Variants in GPBP1L1 observed in about 807,000 individuals in gnomAD.
GPBP1L1 encodes vasculin-like protein 1.
A neutral mutation model predicts 52.5 loss-of-function variants in GPBP1L1; 23 were observed. The observed-to-expected ratio is 0.44, with a 90% confidence interval of 0.32 to 0.62. GPBP1L1 has a LOEUF of 0.62. Among genes scored for constraint, GPBP1L1 ranks in the 20% least tolerant of loss-of-function variants. The probability of loss-of-function intolerance (pLI) is 0.06; values close to 1 mark genes in which losing one functional copy is unlikely to be tolerated. For synonymous variants in GPBP1L1, 243 were observed against 203.1 expected (o/e 1.20, Z -1.67); for missense variants, 596 against 579.3 (o/e 1.03, Z -0.30).
intron 4 of GPBP1L1, chr1:45,655,856 T>C (rs1392807695): frequency 1.3e-5 from 2 of 153,316 alleles, no homozygotes; most frequent in African/African-American, 4.8e-5. Context: ...TACAGCTGCT[T>C]ACCCTTGAGC....
At chr1:45,675,903 A>G (rs1645133952) in intron 2 of GPBP1L1, among the ~76,000 whole-genome samples, 1 of 152,156 alleles carries the variant, frequency 6.6e-6, no homozygotes, top group South Asian at 2.1e-4. Context: ...AGATCCTAAG[A>G]CTATAGTATG....
At chr1:45,631,949 G>A (rs1055447787) in intron 10 of GPBP1L1, among the ~76,000 whole-genome samples, 5 of 152,036 alleles carry the variant, frequency 3.3e-5, no homozygotes, top group African/African-American at 1.2e-4. Flanking sequence ...GGCTGGGCAT[G>A]GCAGCTCATG....
intron 12 of GPBP1L1, 122 bp downstream of exon 12, chr1:45,629,454 T>TCACCC (rs1644499628): frequency 4.3e-5 from 5 of 117,616 alleles, no homozygotes; most frequent in Admixed American, 1.1e-4. Context: ...ACTAAGGTAA[T>TCACCC]CCCCCCCCCC....
rs761679242 is a variant in GPBP1L1, at chr1:45,630,505, T to A, written c.1146A>T (p.Ser382=). The change falls in exon 11 of 13, where the codon TCA becomes TCT. Residue 382 remains serine, a synonymous_variant. Coordinates refer to ENST00000355105, the MANE Select transcript of GPBP1L1 (RefSeq NM_021639.5). The part of the protein sequence containing the change: ...LPVVEEGEVL[S]HSLEAEHRLL... ...ACCTGTGCTCTGCTTCTAGAGAGTG[T>A]GAGAGAACCTCCCCTTCTTCCACTA... 12 of 1,613,902 alleles carry A rather than the reference T, an allele frequency of 7.4e-6. No homozygotes were observed. The highest frequency in any genetic ancestry group is 2.2e-5 in the East Asian group (1 of 44,886).
At chr1:45,645,274 G>A (rs969495524) in intron 6 of GPBP1L1, among the ~76,000 whole-genome samples, 4 of 152,102 alleles carry the variant, frequency 2.6e-5, no homozygotes, top group South Asian at 2.1e-4. Context: ...GGACAGAACC[G>A]CCTAGAAGTA....
rs1259373247 is a variant in GPBP1L1, at chr1:45,628,950, C to T, written c.1273-542G>A. Among the ~76,000 whole-genome samples, 3 of 152,250 alleles carry T rather than the reference C, an allele frequency of 2.0e-5. No homozygotes were observed. The East Asian group carries it at 5.8e-4, about 29-fold the overall frequency. ...GTGTTGGGATTACAGGCGTGAGCCACTGTGCCCAGCCATAAGTCCTTATTT... is the reference window on the plus strand; with the variant it reads ...GTGTTGGGATTACAGGCGTGAGCCATTGTGCCCAGCCATAAGTCCTTATTT... On this transcript the variant is annotated intron_variant, in intron 12 of 12. Coordinates refer to ENST00000355105, the MANE Select transcript of GPBP1L1 (RefSeq NM_021639.5).
intron 2 of GPBP1L1, among the ~76,000 whole-genome samples, chr1:45,675,987 G>C (rs1330753158): frequency 6.6e-6 from 1 of 152,112 alleles, no homozygotes; most frequent in Non-Finnish European, 1.5e-5. Context: ...ACAGGTTTAA[G>C]GGACTTCCTT....
At chr1:45,629,873 TGA>T (rs1644507672) in intron 11 of GPBP1L1, among the ~76,000 whole-genome samples, 195 bp from the exon 12 acceptor site, 1 of 124,358 alleles carries the variant, frequency 8.0e-6, no homozygotes, top group African/African-American at 2.7e-5. Context: ...TCTTCACAGT[TGA>T]GAGAGGAAGA....
At chr1:45,656,311 T>C (rs1272737320) in intron 4 of GPBP1L1, among the ~76,000 whole-genome samples, 4 of 152,174 alleles carry the variant, frequency 2.6e-5, no homozygotes, top group South Asian at 2.1e-4. Context: ...TCTTAAATGA[T>C]AGAGACCAAA....
intron 2 of GPBP1L1, among the ~76,000 whole-genome samples, chr1:45,669,429 G>A (rs753713826): frequency 7.2e-5 from 11 of 152,214 alleles, no homozygotes; most frequent in Non-Finnish European, 1.2e-4. Context: ...AGAATTGTAG[G>A]TGTGAGCCAC....
chr1:45,674,992 T>C (rs938095100), intron 2 of GPBP1L1, among the ~76,000 whole-genome samples: 3 of 151,280 alleles, frequency 2.0e-5, no homozygotes, highest in African/African-American at 7.2e-5. Context: ...TCTGTGCTCT[T>C]CATTATCTCA....
rs1389838560 is a variant in GPBP1L1, at chr1:45,652,033, G to GT, written c.477+2509dup. ...AGTAGTAAAAAAGATCTAGAGCAAG[G>GT]TTTGTCAGCCATGACACTACTAACA... On this transcript the variant is annotated intron_variant, in intron 6 of 12. Transcript: ENST00000355105. 5.3e-5 allele frequency among the ~76,000 whole-genome samples: 8 copies of GT among 152,192 alleles called. No individual in the cohort carries two copies. The East Asian group carries it at 1.3e-3, about 26-fold the overall frequency.
rs780682492 is a variant in GPBP1L1 at position 45,634,251 on chromosome 1, A to C, written c.745-15T>G. The stretch of plus-strand genomic sequence containing the variant: ...CATGCATTAGGCTACACAGGGTGAA[A>C]GAACAAATCAGTCAGAACAAGCACA... On this transcript the variant is annotated splice_polypyrimidine_tract_variant and intron_variant, in intron 8 of 12. Coordinates refer to ENST00000355105, the MANE Select transcript of GPBP1L1 (RefSeq NM_021639.5). The C allele has an allele frequency of 1.5e-5, 24 of 1,594,876 alleles. No individual in the cohort carries two copies. The highest frequency in any genetic ancestry group is 2.0e-5 in the Non-Finnish European group (23 of 1,168,488).
At chr1:45,661,548 C>T (rs1040616437) in intron 2 of GPBP1L1, among the ~76,000 whole-genome samples, 17 of 151,890 alleles carry the variant, frequency 1.1e-4, no homozygotes, top group African/African-American at 2.9e-4. Flanking sequence ...CTCCACCTCC[C>T]GGGTTCAAGC....
At chr1:45,671,847 A>G (rs991646492) in intron 2 of GPBP1L1, among the ~76,000 whole-genome samples, 2 of 152,000 alleles carry the variant, frequency 1.3e-5, no homozygotes, top group South Asian at 4.2e-4. Flanking sequence ...ATAAATAAAT[A>G]AATAAATAAT....
At chr1:45,676,602 C>T (rs1253679298) in intron 2 of GPBP1L1, among the ~76,000 whole-genome samples, 6 of 150,066 alleles carry the variant, frequency 4.0e-5, no homozygotes, top group African/African-American at 7.4e-5. Flanking sequence ...CCCAGCTGCT[C>T]GGGAGGCTGA....
rs1006448128 is a variant in GPBP1L1, at chr1:45,686,506, A to G, written c.-1237T>C. The G allele has an allele frequency of 3.9e-5, 6 of 152,486 alleles. No homozygotes were observed. In the East Asian group the frequency reaches 9.6e-4, roughly 24 times the overall value. 9.4% of individuals were successfully genotyped at this position (152,486 alleles called of 1,614,324 possible). ...CGGCAGAGGCGGCTAGTCCACAACC[A>G]TAACAAAGCTCTTCCCAAAATGGCT... On this transcript the variant is annotated 5_prime_UTR_variant, in exon 1 of 13. An upstream start codon of the reference 5' UTR is lost. Coordinates refer to ENST00000355105, the MANE Select transcript of GPBP1L1 (RefSeq NM_021639.5).
intron 2 of GPBP1L1, among the ~76,000 whole-genome samples, chr1:45,677,768 T>G (rs187924678): frequency 6.6e-6 from 1 of 152,228 alleles, no homozygotes; most frequent in East Asian, 1.9e-4. Flanking sequence ...TATTCACTAA[T>G]TCATACTCTT....
chr1:45,663,291 T>C lies in GPBP1L1; in HGVS notation c.-1097-2066A>G, dbSNP rs183019187. ...GAGAGATAAATCATCTGTTAGGGTA[T>C]AAAGCTGTTGGACACAAAGGAAAAT... On this transcript the variant is annotated intron_variant, in intron 2 of 12. Coordinates refer to ENST00000355105, the MANE Select transcript of GPBP1L1 (RefSeq NM_021639.5). 3.9e-5 allele frequency among the ~76,000 whole-genome samples: 6 copies of C among 152,196 alleles called. No homozygotes were observed. The East Asian group carries it at 5.8e-4, about 15-fold the overall frequency.
Sources: gnomAD v4.1 joint callset for allele counts (sites outside exome capture counted in the v4.1 genomes callset) on GRCh38, gnomAD v4.1.1 for gene constraint, MANE v1.5 for transcripts, NCBI Gene and HGNC (gene_info 2026-07-23, HGNC 2026-07-21) for gene names.